Variants in XRRA1 observed in about 807,000 individuals in gnomAD.
The protein encoded by XRRA1 is X-ray radiation resistance-associated protein 1.
Under a neutral mutation model 80.2 loss-of-function variants are expected in XRRA1, and 69 were observed. The ratio of observed to expected loss-of-function variants is 0.86; its 90% confidence interval spans 0.71 to 1.05. XRRA1 has a LOEUF of 1.05. Ranked by LOEUF, XRRA1 falls within the 50% of genes least tolerant of loss-of-function variation. The pLI is 0.00. For synonymous variants in XRRA1, 348 were observed against 389.9 expected, an observed-to-expected ratio of 0.89 and a Z score of 1.27; for missense variants, 967 against 976.4, an observed-to-expected ratio of 0.99 and a Z score of 0.13.
At chr11:74,921,451 G>A in intron 7 of XRRA1, 104 bp from the exon 8 acceptor site, 1 of 1,416,136 alleles carries the variant, frequency 7.1e-7, no homozygotes, top group Non-Finnish European at 9.7e-7. Context: ...TCGCCCACAG[G>A]ACAAAACCCT....
At chr11:74,892,087 G>C (rs577842247) in intron 10 of XRRA1, among the ~76,000 whole-genome samples, 2 of 152,016 alleles carry the variant, frequency 1.3e-5, no homozygotes, top group Admixed American at 6.6e-5. Context: ...AAAAGAGCCC[G>C]CATCGCCAAG....
At chr11:74,900,230 T>C (rs1408632370) in intron 10 of XRRA1, among the ~76,000 whole-genome samples, 1 of 151,926 alleles carries the variant, frequency 6.6e-6, no homozygotes, top group Non-Finnish European at 1.5e-5. Flanking sequence ...ATCTGATGAA[T>C]ATTGATGCAG....
intron 8 of XRRA1, among the ~76,000 whole-genome samples, chr11:74,916,230 G>C (rs1565397764): frequency 6.6e-6 from 1 of 152,102 alleles, no homozygotes; most frequent in Non-Finnish European, 1.5e-5. Flanking sequence ...GAAGTTTTAG[G>C]CTATTATTTC....
chr11:74,923,173 C>T (rs1941338093), intron 7 of XRRA1, among the ~76,000 whole-genome samples: 2 of 152,148 alleles, frequency 1.3e-5, no homozygotes, highest in Admixed American at 1.3e-4. Context: ...TTGTTAAGGG[C>T]AAAGAGACAT....
intron 5 of XRRA1, among the ~76,000 whole-genome samples, chr11:74,931,131 C>CGTCTGTGT (rs111594659): frequency 5.4e-5 from 8 of 149,414 alleles, no homozygotes; most frequent in Non-Finnish European, 1.2e-4. Flanking sequence ...TATGCTTATA[C>CGTCTGTGT]GTGTGTGTGT....
At chr11:74,889,622 A>G (rs1283308661) in intron 10 of XRRA1, among the ~76,000 whole-genome samples, 1 of 152,244 alleles carries the variant, frequency 6.6e-6, no homozygotes, top group African/African-American at 2.4e-5. Flanking sequence ...TTCGATAAAG[A>G]GTCAAGAACC....
intron 3 of XRRA1, among the ~76,000 whole-genome samples, chr11:74,940,296 A>G (rs1204808436): frequency 6.6e-6 from 1 of 152,194 alleles, no homozygotes. Context: ...ATGATCACTC[A>G]TCAAATAAGA....
At chr11:74,922,074 G>A (rs532462658) in intron 7 of XRRA1, among the ~76,000 whole-genome samples, 53 of 151,976 alleles carry the variant, frequency 3.5e-4, no homozygotes, top group Non-Finnish European at 6.5e-4. Flanking sequence ...TGGCTAACAC[G>A]GTGAAACCCC....
At chr11:74,931,180 T>C (rs1943474675) in intron 5 of XRRA1, among the ~76,000 whole-genome samples, 1 of 151,876 alleles carries the variant, frequency 6.6e-6, no homozygotes. Flanking sequence ...TAGATACAGG[T>C]AGTAAAACTT....
At chr11:74,866,533 G>C (rs1025769201) in intron 10 of XRRA1, among the ~76,000 whole-genome samples, 1 of 151,974 alleles carries the variant, frequency 6.6e-6, no homozygotes, top group African/African-American at 2.4e-5. Context: ...TGGGATTATA[G>C]GCATGAGTCA....
At chr11:74,889,010 C>A (rs376840610) in intron 10 of XRRA1, among the ~76,000 whole-genome samples, 1 of 152,162 alleles carries the variant, frequency 6.6e-6, no homozygotes, top group Non-Finnish European at 1.5e-5. Context: ...ACTTCCCCAA[C>A]CTAGCAAGGC....
chr11:74,888,076 G>T (rs535991247), intron 10 of XRRA1, among the ~76,000 whole-genome samples: 1 of 152,268 alleles, frequency 6.6e-6, no homozygotes, highest in South Asian at 2.1e-4. Context: ...AGAGAGTGGT[G>T]GTTCTCCCAG....
At chr11:74,894,664 A>G (rs1482215606) in intron 10 of XRRA1, among the ~76,000 whole-genome samples, 1 of 152,220 alleles carries the variant, frequency 6.6e-6, no homozygotes, top group African/African-American at 2.4e-5. Flanking sequence ...AACTGCCACC[A>G]TGATCCAATG....
At chr11:74,869,121 T>TA (rs1565274920) in intron 10 of XRRA1, among the ~76,000 whole-genome samples, 1,564 of 151,224 alleles carry the variant, frequency 0.01, 30 homozygotes, top group African/African-American at 0.034. Flanking sequence ...CAGTACAATT[T>TA]TAAAAAAAAA....
intron 12 of XRRA1, among the ~76,000 whole-genome samples, chr11:74,854,206 C>T (rs975905976): frequency 3.3e-5 from 5 of 152,150 alleles, no homozygotes; most frequent in African/African-American, 1.2e-4. Flanking sequence ...CAGTTGGATA[C>T]ACTGGTCTGG....
At chr11:74,893,705 C>T (rs772656567) in intron 10 of XRRA1, among the ~76,000 whole-genome samples, 22 of 151,636 alleles carry the variant, frequency 1.5e-4, no homozygotes, top group Non-Finnish European at 2.4e-4. Context: ...ATATCATGTA[C>T]GCCAGTCAGA....
chr11:74,918,159 G>A (rs1017649912), intron 8 of XRRA1, among the ~76,000 whole-genome samples: 3 of 152,124 alleles, frequency 2.0e-5, no homozygotes, highest in African/African-American at 7.2e-5. Context: ...AACCAGCCAA[G>A]GTGCTGGAAG....
At chr11:74,886,898 C>T (rs528510083) in intron 10 of XRRA1, among the ~76,000 whole-genome samples, 1 of 152,082 alleles carries the variant, frequency 6.6e-6, no homozygotes, top group Non-Finnish European at 1.5e-5. Flanking sequence ...GTTAGAGAGG[C>T]CAGAAATAAT....
chr11:74,927,652 TTAC>T (rs2139264707), intron 6 of XRRA1, among the ~76,000 whole-genome samples, 164 bp from the exon 7 acceptor site: 1 of 152,310 alleles, frequency 6.6e-6, no homozygotes, highest in East Asian at 1.9e-4. Context: ...AAAATAGGGA[TTAC>T]TACTTCCATT....
Sources: gnomAD v4.1 joint callset for allele counts (sites outside exome capture counted in the v4.1 genomes callset) on GRCh38, gnomAD v4.1.1 for gene constraint, MANE v1.5 for transcripts, NCBI Gene and HGNC (gene_info 2026-07-23, HGNC 2026-07-21) for gene names.